The following PTPRM variants were observed in gnomAD, a reference collection of about 807,000 sequenced individuals.
PTPRM encodes the protein receptor-type tyrosine-protein phosphatase mu.
PTPRM carries 47 observed loss-of-function variants against 186.7 expected under a neutral mutation model. The observed-to-expected ratio is 0.25, with a 90% CI of 0.20 to 0.32. PTPRM has a LOEUF of 0.32. PTPRM is among the 10% of genes least tolerant of loss of function. The pLI is 1.00. For synonymous variants in PTPRM, 668 were observed against 674.9 expected (o/e 0.99, Z 0.16); for missense variants, 1,494 against 1,865.0 (o/e 0.80, Z 3.66).
intron 20 of PTPRM, among the ~76,000 whole-genome samples, chr18:8,305,992 G>A (rs2095217740): frequency 6.6e-6 from 1 of 151,928 alleles, no homozygotes; most frequent in African/African-American, 2.4e-5. Context: ...CTGCCTCCTG[G>A]GTTCAAGTGA....
At chr18:8,198,478 AATT>A (rs1038530241) in intron 14 of PTPRM, among the ~76,000 whole-genome samples, 1 of 152,130 alleles carries the variant, frequency 6.6e-6, no homozygotes, top group Non-Finnish European at 1.5e-5. Flanking sequence ...TTAGAAATTG[AATT>A]ATTATTTTAG....
intron 7 of PTPRM, among the ~76,000 whole-genome samples, chr18:8,051,490 T>G (rs2087495606): frequency 6.6e-6 from 1 of 152,222 alleles, no homozygotes. Flanking sequence ...TTTATGTAAA[T>G]TTTTCCTTTG....
At chr18:8,181,020 T>G (rs1292410792) in intron 14 of PTPRM, among the ~76,000 whole-genome samples, 11 of 152,166 alleles carry the variant, frequency 7.2e-5, no homozygotes, top group Admixed American at 7.2e-4. Flanking sequence ...AGGCTTTCAG[T>G]TAATTTACTG....
chr18:8,047,347 A>G (rs2087136287), intron 7 of PTPRM, among the ~76,000 whole-genome samples: 1 of 152,232 alleles, frequency 6.6e-6, no homozygotes, highest in African/African-American at 2.4e-5. Context: ...AAAGATATGC[A>G]CATCAAACTG....
chr18:8,178,433 AT>A (rs1245955218), intron 14 of PTPRM, among the ~76,000 whole-genome samples: 2 of 152,160 alleles, frequency 1.3e-5, no homozygotes, highest in Non-Finnish European at 2.9e-5. Context: ...ACTTGGCCTG[AT>A]TATTTGCATA....
chr18:8,137,863 A>G lies in PTPRM; in HGVS notation c.2168-5784A>G, dbSNP rs145582158. ...TCCCTCATCCCCTCCACTCTTCCCC[A>G]GCTGGACTCTGTAGCTTACCTGTGA... On this transcript the variant is annotated intron_variant, in intron 13 of 32. Transcript: ENST00000580170. Among the ~76,000 whole-genome samples the G allele has an allele frequency of 5.3e-3, 803 of 152,022 alleles. 5 individuals carry two copies. Among genetic ancestry groups the G allele is most frequent in the Non-Finnish European group, 8.7e-3 (594 of 67,972 alleles).
At chr18:7,922,893 C>G (rs114604070) in intron 4 of PTPRM, among the ~76,000 whole-genome samples, 306 of 152,150 alleles carry the variant, frequency 2.0e-3, no homozygotes, top group African/African-American at 7.2e-3. Flanking sequence ...TTTCCGTAAA[C>G]TTGTTTATGT....
At chr18:8,366,030 C>G (rs1484096404) in intron 23 of PTPRM, among the ~76,000 whole-genome samples, 1 of 152,102 alleles carries the variant, frequency 6.6e-6, no homozygotes, top group East Asian at 1.9e-4. Context: ...TCTGTCCCAC[C>G]CCAGAAATTA....
At chr18:7,862,967 C>A (rs1002852582) in intron 2 of PTPRM, among the ~76,000 whole-genome samples, 10 of 152,094 alleles carry the variant, frequency 6.6e-5, no homozygotes, top group Admixed American at 5.2e-4. Flanking sequence ...AGGGAGATTT[C>A]TTGGGAAACT....
chr18:7,708,467 T>C (rs1283842063), intron 1 of PTPRM, among the ~76,000 whole-genome samples: 2 of 152,230 alleles, frequency 1.3e-5, no homozygotes, highest in African/African-American at 4.8e-5. Flanking sequence ...TACTGGCTTG[T>C]GGTGTCCCCT....
chr18:8,040,054 A>T (rs2086594632), intron 7 of PTPRM, among the ~76,000 whole-genome samples: 1 of 152,184 alleles, frequency 6.6e-6, no homozygotes, highest in African/African-American at 2.4e-5. Flanking sequence ...TTTACCAAAG[A>T]AGTAGTCATT....
intron 19 of PTPRM, among the ~76,000 whole-genome samples, chr18:8,284,216 T>C (rs113651511): frequency 2.0e-4 from 30 of 152,216 alleles, no homozygotes; most frequent in African/African-American, 7.2e-4. Context: ...CTTGAAAATG[T>C]TTTAAGGCAG....
At chr18:8,012,220 A>G (rs2084575950) in intron 7 of PTPRM, among the ~76,000 whole-genome samples, 1 of 152,222 alleles carries the variant, frequency 6.6e-6, no homozygotes, top group African/African-American at 2.4e-5. Flanking sequence ...AATTTCCTTT[A>G]TTGATTCCAT....
At chr18:8,161,858 A>G (rs2093236145) in intron 14 of PTPRM, among the ~76,000 whole-genome samples, 3 of 152,092 alleles carry the variant, frequency 2.0e-5, no homozygotes, top group African/African-American at 7.2e-5. Context: ...TTGCTCAGAA[A>G]TCCAAGAGAA....
chr18:8,197,186 T>C (rs2093790692), intron 14 of PTPRM, among the ~76,000 whole-genome samples: 1 of 152,212 alleles, frequency 6.6e-6, no homozygotes, highest in African/African-American at 2.4e-5. Context: ...TTATGAGCGT[T>C]AGGCCAATGT....
intron 1 of PTPRM, among the ~76,000 whole-genome samples, chr18:7,626,850 C>G (rs1270043142): frequency 6.6e-6 from 1 of 152,116 alleles, no homozygotes; most frequent in African/African-American, 2.4e-5. Flanking sequence ...TCTGGAACTC[C>G]TGTGTAAACA....
intron 7 of PTPRM, among the ~76,000 whole-genome samples, chr18:8,030,879 A>T (rs2085921112): frequency 6.6e-6 from 1 of 152,240 alleles, no homozygotes. Flanking sequence ...GTGTCATAAA[A>T]TCTCACAAAA....
At chr18:8,029,136 AC>A in intron 7 of PTPRM, among the ~76,000 whole-genome samples, 1 of 151,968 alleles carries the variant, frequency 6.6e-6, no homozygotes, top group South Asian at 2.1e-4. Flanking sequence ...CAGTTTGACC[AC>A]CCTGACATAC....
At chr18:8,346,999 T>C (rs1173574957) in intron 23 of PTPRM, among the ~76,000 whole-genome samples, 1 of 152,184 alleles carries the variant, frequency 6.6e-6, no homozygotes, top group Non-Finnish European at 1.5e-5. Flanking sequence ...TCATCTGCTT[T>C]CATGTGCTTG....
Sources: gnomAD v4.1 joint callset for allele counts (sites outside exome capture counted in the v4.1 genomes callset) on GRCh38, gnomAD v4.1.1 for gene constraint, MANE v1.5 for transcripts, NCBI Gene and HGNC (gene_info 2026-07-23, HGNC 2026-07-21) for gene names.